The following LTBP1 variants were observed in gnomAD, a reference collection of about 807,000 sequenced individuals.
The protein encoded by LTBP1 is latent transforming growth factor beta binding protein 1.
LTBP1 carries 129 observed loss-of-function variants against 207.6 expected under a neutral mutation model. The ratio of observed to expected loss-of-function variants is 0.62; its 90% confidence interval spans 0.54 to 0.72. LTBP1 has a LOEUF of 0.72. Ranked by LOEUF, LTBP1 falls within the 30% of genes least tolerant of loss-of-function variation. The pLI is 0.00. For synonymous variants in LTBP1, 963 were observed against 833.7 expected, an observed-to-expected ratio of 1.16 and a Z score of -2.67; for missense variants, 2,281 against 2,217.2, an observed-to-expected ratio of 1.03 and a Z score of -0.58.
intron 24 of LTBP1, among the ~76,000 whole-genome samples, chr2:33,318,454 G>A (rs1384870481): frequency 2.0e-5 from 3 of 152,140 alleles, no homozygotes; most frequent in South Asian, 2.1e-4. Flanking sequence ...TTCCACTAGG[G>A]GAATTGGGGA....
Position 33,170,462 on chromosome 2 carries a change from G to A in LTBP1, c.1202-16394G>A, listed in dbSNP as rs57124005. Among the ~76,000 whole-genome samples, 1,201 of 152,346 alleles carry A rather than the reference G, an allele frequency of 7.9e-3. 16 individuals carry two copies. The highest frequency in any genetic ancestry group is 0.027 in the African/African-American group (1,136 of 41,584). On this transcript the variant is annotated intron_variant, in intron 5 of 33. Coordinates refer to ENST00000404816, the MANE Select transcript of LTBP1 (RefSeq NM_206943.4). ...CGGCCAGGCTGGGGGAGGGGCGCCC[G>A]CCATTGCCCAGGCTTGCTTAGGTAA...
intron 12 of LTBP1, 148 bp from the exon 13 acceptor site, chr2:33,259,440 G>A: frequency 4.1e-6 from 2 of 488,196 alleles, no homozygotes; most frequent in South Asian, 1.0e-4. Flanking sequence ...CCCTAAAATG[G>A]CAGATGATCC....
intron 9 of LTBP1, among the ~76,000 whole-genome samples, chr2:33,224,633 T>C (rs79225012): frequency 0.015 from 2,232 of 152,316 alleles, 22 homozygotes; most frequent in East Asian, 0.026. Context: ...AGATTTCCCA[T>C]TACTACTTTG....
At chr2:33,184,052 C>T (rs1237357630) in intron 5 of LTBP1, among the ~76,000 whole-genome samples, 1 of 152,158 alleles carries the variant, frequency 6.6e-6, no homozygotes, top group Non-Finnish European at 1.5e-5. Flanking sequence ...CACTGATTTT[C>T]CCTCCAGCCT....
chr2:33,095,271 C>T (rs1306934524), intron 3 of LTBP1, among the ~76,000 whole-genome samples: 1 of 152,156 alleles, frequency 6.6e-6, no homozygotes, highest in East Asian at 1.9e-4. Flanking sequence ...CAATAAAAAG[C>T]AGACTGAAAT....
At chr2:33,022,162 T>C (rs2075202259) in intron 3 of LTBP1, among the ~76,000 whole-genome samples, 1 of 152,142 alleles carries the variant, frequency 6.6e-6, no homozygotes, top group Non-Finnish European at 1.5e-5. Flanking sequence ...AGTCTGTTGC[T>C]ATAGATGAAA....
intron 10 of LTBP1, among the ~76,000 whole-genome samples, chr2:33,251,727 A>T (rs1378661303): frequency 1.3e-5 from 2 of 151,758 alleles, no homozygotes; most frequent in African/African-American, 4.8e-5. Flanking sequence ...CAAGTCAGAA[A>T]ACCTCATTTG....
intron 31 of LTBP1, among the ~76,000 whole-genome samples, chr2:33,386,222 G>T (rs1401581275): frequency 6.6e-6 from 1 of 152,162 alleles, no homozygotes; most frequent in African/African-American, 2.4e-5. Context: ...TTTCAGTTCA[G>T]GTCCACCTTT....
intron 19 of LTBP1, among the ~76,000 whole-genome samples, chr2:33,283,474 T>C (rs2093604447): frequency 7.1e-6 from 1 of 140,194 alleles, no homozygotes; most frequent in African/African-American, 2.6e-5. Flanking sequence ...TCTCGCTCTT[T>C]CGCCCAGGCT....
At chr2:32,951,026 A>T (rs1306982072) in intron 2 of LTBP1, among the ~76,000 whole-genome samples, 1 of 152,210 alleles carries the variant, frequency 6.6e-6, no homozygotes, top group East Asian at 1.9e-4. Flanking sequence ...TAATCCAGAG[A>T]GAGATCACAG....
chr2:33,293,405 A>C (rs151270263), intron 20 of LTBP1, 123 bp downstream of exon 20: 11,987 of 940,052 alleles, frequency 0.013, 112 homozygotes, highest in Non-Finnish European at 0.014. Flanking sequence ...GACTTAGAGC[A>C]CATATTGGTT....
intron 11 of LTBP1, among the ~76,000 whole-genome samples, chr2:33,256,667 AATATG>A (rs1211477687): frequency 6.9e-6 from 1 of 145,098 alleles, no homozygotes; most frequent in East Asian, 2.0e-4. Context: ...TATATAACCT[AATATG>A]ATATATAGTA....
At chr2:33,266,258 G>T (rs567241659) in intron 15 of LTBP1, among the ~76,000 whole-genome samples, 66 of 152,346 alleles carry the variant, frequency 4.3e-4, no homozygotes, top group African/African-American at 1.2e-3. Context: ...TGTCGCCTTG[G>T]CCCCCTCTGG....
At chr2:32,961,037 A>C (rs1283967585) in intron 2 of LTBP1, among the ~76,000 whole-genome samples, 4 of 152,238 alleles carry the variant, frequency 2.6e-5, no homozygotes, top group Non-Finnish European at 5.9e-5. Context: ...TATTACTAAG[A>C]AATTAAAGAA....
At chr2:33,273,805 A>T in intron 16 of LTBP1, 24 bp downstream of exon 16, 1 of 1,566,536 alleles carries the variant, frequency 6.4e-7, no homozygotes, top group Non-Finnish European at 8.6e-7. Context: ...TGATTGACTA[A>T]ATTATTAAAT....
At chr2:33,324,206 ATAT>A (rs2094395553) in intron 24 of LTBP1, among the ~76,000 whole-genome samples, 1 of 152,146 alleles carries the variant, frequency 6.6e-6, no homozygotes, top group East Asian at 1.9e-4. Flanking sequence ...CAGCCTACAA[ATAT>A]TATAGTATTT....
chr2:33,295,431 A>T lies in LTBP1; in HGVS notation c.3235+2149A>T, dbSNP rs910378197. 2.2e-4 allele frequency among the ~76,000 whole-genome samples: 34 copies of T among 152,022 alleles called. 1 individual carries two copies. The highest frequency in any genetic ancestry group is 6.6e-5 in the Admixed American group (1 of 15,260). On this transcript the variant is annotated intron_variant, in intron 20 of 33. Transcript: ENST00000404816. ...AATCCCAGCTACTTAGGAGGCTGAG[A>T]CACAAGAATCACTTGAACCCGAGAA...
chr2:33,012,140 T>TACA, intron 2 of LTBP1, among the ~76,000 whole-genome samples: 1 of 152,218 alleles, frequency 6.6e-6, no homozygotes, highest in Non-Finnish European at 1.5e-5. Flanking sequence ...TCATCTCTGT[T>TACA]TCCAGTTCTA....
chr2:33,097,571 T>C (rs771027592), intron 3 of LTBP1, among the ~76,000 whole-genome samples: 8 of 152,208 alleles, frequency 5.3e-5, no homozygotes, highest in Non-Finnish European at 8.8e-5. Context: ...AATTCAACTT[T>C]ATTTTGTTTT....
Sources: gnomAD v4.1 joint callset for allele counts (sites outside exome capture counted in the v4.1 genomes callset) on GRCh38, gnomAD v4.1.1 for gene constraint, MANE v1.5 for transcripts, NCBI Gene and HGNC (gene_info 2026-07-23, HGNC 2026-07-21) for gene names.